Variants in PRPF40B observed in about 807,000 individuals in gnomAD.
The protein encoded by PRPF40B is pre-mRNA-processing factor 40 homolog B.
Under a neutral mutation model 124.5 loss-of-function variants are expected in PRPF40B, and 56 were observed. The observed-to-expected ratio is 0.45, with a 90% confidence interval of 0.36 to 0.56. PRPF40B has a LOEUF of 0.56. Ranked by LOEUF, PRPF40B falls within the 20% of genes least tolerant of loss-of-function variation. The probability of loss-of-function intolerance (pLI) is 0.00; values close to 1 mark genes in which losing one functional copy is unlikely to be tolerated. For missense variants in PRPF40B, 1,053 were observed against 1,169.5 expected, an observed-to-expected ratio of 0.90 and a Z score of 1.45; for synonymous variants, 443 against 426.4, an observed-to-expected ratio of 1.04 and a Z score of -0.48.
Position 49,642,521 on chromosome 12 carries a change from G to A in PRPF40B, c.2023-59G>A, listed in dbSNP as rs535989495. ...CCCAGCCCTGCCCTGTGCTCATGGC[G>A]GTGTCCAGGCCAGGCTGAGTGGGGC... On this transcript the variant is annotated intron_variant, in intron 20 of 25. Transcript: ENST00000548825. The surrounding 1 kb of genome is among the most constrained non-coding windows in gnomAD (Gnocchi z 5.8). The A allele has an allele frequency of 6.0e-5, 96 of 1,592,574 alleles. No individual in the cohort carries two copies. The highest frequency in any genetic ancestry group is 7.6e-5 in the Non-Finnish European group (88 of 1,161,416).
intron 1 of PRPF40B, chr12:49,624,192 G>A (rs58278271): frequency 0.091 from 89,435 of 981,108 alleles, 4,462 homozygotes; most frequent in African/African-American, 0.19. Flanking sequence ...CCTTTCTTTG[G>A]GCCTCAGATT....
chr12:49,643,074 C>A, intron 22 of PRPF40B, 58 bp downstream of exon 22: 1 of 1,594,686 alleles, frequency 6.3e-7, no homozygotes, highest in Non-Finnish European at 8.6e-7. Context: ...GGGAAATAAA[C>A]ACTTTGTTTT....
chr12:49,633,956 G>C lies in PRPF40B; in HGVS notation c.676G>C (p.Val226Leu), dbSNP rs771355440. 3 of 1,614,200 alleles carry C rather than the reference G, an allele frequency of 1.9e-6. No homozygotes were observed. The South Asian group carries it at 3.3e-5, about 18-fold the overall frequency. The change falls in exon 10 of 26, where the codon GTG (valine) becomes CTG (leucine). Residue 226 changes from valine to leucine, a missense_variant. Val to Leu is a conservative substitution (Grantham distance 32). Coordinates refer to ENST00000548825, the MANE Select transcript of PRPF40B (RefSeq NM_001031698.3). ...TCAGCCACAGCCTGACCCCCCACCT[G>C]TGCCTCCTGGCCCCACCCCAGTGCC... Reference protein sequence around the residue: ...PPQPQPDPPPVPPGPTPVPTG... With the variant: ...PPQPQPDPPPLPPGPTPVPTG...
chr12:49,632,033 AC>A, intron 4 of PRPF40B, 108 bp downstream of exon 4: 1 of 1,136,428 alleles, frequency 8.8e-7, no homozygotes, highest in Non-Finnish European at 1.3e-6. Context: ...CATCGCATCC[AC>A]CCAGGTCCCC....
At chr12:49,625,434 GAC>G (rs1298063684) in intron 1 of PRPF40B, among the ~76,000 whole-genome samples, 2 of 152,356 alleles carry the variant, frequency 1.3e-5, no homozygotes, top group East Asian at 3.9e-4. Flanking sequence ...ATGAGTGTTT[GAC>G]ACAGTATCTG....
intron 1 of PRPF40B, among the ~76,000 whole-genome samples, chr12:49,630,078 A>C (rs1328985731): frequency 2.0e-5 from 3 of 152,206 alleles, no homozygotes. Flanking sequence ...GTGTTGAGAG[A>C]GCTTTGGACT....
At chr12:49,636,883 G>C in intron 16 of PRPF40B, 34 bp downstream of exon 16, 2 of 1,612,342 alleles carry the variant, frequency 1.2e-6, no homozygotes, top group Non-Finnish European at 1.7e-6. Flanking sequence ...TCAGAGCTCA[G>C]CTCTGCCCTA....
chr12:49,624,220 A>G (rs1940491211), intron 1 of PRPF40B: 1 of 938,284 alleles, frequency 1.1e-6, no homozygotes, highest in African/African-American at 1.8e-5. Flanking sequence ...AATTTTTTTA[A>G]AAAGGAAATG....
chr12:49,644,352 C>CTCAAGG lies in PRPF40B; in HGVS notation c.*161_*162insCAAGGT, dbSNP rs1592629935. ...ATTGTTGGCACCTCTCAAGGTTGCTCTTGGTGTTCAAGGGTCCCCTACTCC... is the reference window on the plus strand; with the variant it reads ...ATTGTTGGCACCTCTCAAGGTTGCTCTCAAGGTTGGTGTTCAAGGGTCCCCTACTCC... On this transcript the variant is annotated 3_prime_UTR_variant, in exon 26 of 26. Coordinates refer to ENST00000548825, the MANE Select transcript of PRPF40B (RefSeq NM_001031698.3). 1 of 828,830 alleles carries CTCAAGG rather than the reference C, an allele frequency of 1.2e-6. No homozygotes were observed. The highest frequency in any genetic ancestry group is 1.7e-5 in the African/African-American group (1 of 59,604). The allele number at this position is 828,830 out of a possible 1,614,324, so 51.3% of individuals were successfully genotyped here.
At position 49,635,564 on chromosome 12, in the gene PRPF40B, T is replaced by C. The variant is rs1452977120; in HGVS notation, c.1275+91T>C. 1.6e-6 allele frequency: 2 copies of C among 1,260,480 alleles called. No individual in the cohort carries two copies. The highest frequency in any genetic ancestry group is 2.2e-6 in the Non-Finnish European group (2 of 901,260). 78.1% of individuals were successfully genotyped at this position (1,260,480 alleles called of 1,614,324 possible). ...TATGGACCCTCGCCATTTACTTCTCTACTTCCCCAGTGTCCCAGCTTCTGA... is the reference window on the plus strand; with the variant it reads ...TATGGACCCTCGCCATTTACTTCTCCACTTCCCCAGTGTCCCAGCTTCTGA... On this transcript the variant is annotated intron_variant, in intron 14 of 25. Transcript: ENST00000548825. This position sits in a 1 kb window ranked among gnomAD's most constrained non-coding sequence, Gnocchi z 4.1.
intron 4 of PRPF40B, 100 bp downstream of exon 4, chr12:49,632,025 T>C (rs1008343490): frequency 1.7e-5 from 21 of 1,210,916 alleles, no homozygotes; most frequent in Non-Finnish European, 2.6e-5. Flanking sequence ...CCTCTTCTCA[T>C]CGCATCCACC....
Position 49,630,601 on chromosome 12 carries a change from G to T in PRPF40B, c.60G>T (p.Gly20=). 1 of 1,349,812 alleles carries T rather than the reference G, an allele frequency of 7.4e-7. No homozygotes were observed. The highest frequency in any genetic ancestry group is 1.2e-5 in the South Asian group (1 of 84,366). 83.6% of individuals were successfully genotyped at this position (1,349,812 alleles called of 1,614,324 possible). The change falls in exon 2 of 26, where the codon GGG becomes GGT. Residue 20 remains glycine, a synonymous_variant. Coordinates refer to ENST00000548825, the MANE Select transcript of PRPF40B (RefSeq NM_001031698.3). ...CAGCGCCTGCCCCCTTCCCACCGGG[G>T]CCCCCCATGATGCCACCACCCTTCG... ...PPAAPAPFPP[G]PPMMPPPFMP...
At chr12:49,639,030 TGAG>T (rs1362105695) in intron 18 of PRPF40B, 2 of 152,266 alleles carry the variant, frequency 1.3e-5, no homozygotes, top group Non-Finnish European at 2.9e-5. Flanking sequence ...CATACTGTCC[TGAG>T]GTATCCTCTC....
In PRPF40B at chr12:49,644,120, A is replaced by AAGTGAGCTGAGTGAG; in HGVS notation, c.2608_2622dup (p.Ser870_Glu874dup). The AAGTGAGCTGAGTGAG allele has an allele frequency of 1.9e-6, 3 of 1,614,166 alleles. No individual in the cohort carries two copies. The highest frequency in any genetic ancestry group is 2.5e-6 in the Non-Finnish European group (3 of 1,180,034). Reference sequence around the variant, plus strand: ...AACAGACAGGCTGGGACACGTCAGAAAGTGAGCTGAGTGAGGGTGAGCTGG... The same window carrying AAGTGAGCTGAGTGAG: ...AACAGACAGGCTGGGACACGTCAGAAAGTGAGCTGAGTGAGAGTGAGCTGAGTGAGGGTGAGCTGG... On this transcript the variant is annotated inframe_insertion, in exon 26 of 26. Coordinates refer to ENST00000548825, the MANE Select transcript of PRPF40B (RefSeq NM_001031698.3).
chr12:49,631,667 G>C lies in PRPF40B; in HGVS notation c.228+123G>C. 2 of 1,348,558 alleles carry C rather than the reference G, an allele frequency of 1.5e-6. No individual in the cohort carries two copies. The highest frequency in any genetic ancestry group is 2.1e-6 in the Non-Finnish European group (2 of 962,274). 83.5% of individuals were successfully genotyped at this position (1,348,558 alleles called of 1,614,324 possible). A position where few individuals can be genotyped will look rare whatever the true frequency, so the allele number is the denominator to read the frequency against. On this transcript the variant is annotated intron_variant, in intron 3 of 25. Coordinates refer to ENST00000548825, the MANE Select transcript of PRPF40B (RefSeq NM_001031698.3). This position sits in a 1 kb window ranked among gnomAD's most constrained non-coding sequence, Gnocchi z 4.3. Reference sequence around the variant, plus strand: ...GAAGGGAGCTTTGGGCCAAACCCATGTGGATTTGTCTGCTGAATGACTGAG... The same window carrying C: ...GAAGGGAGCTTTGGGCCAAACCCATCTGGATTTGTCTGCTGAATGACTGAG...
intron 1 of PRPF40B, among the ~76,000 whole-genome samples, chr12:49,628,870 A>T (rs1054164916): frequency 6.6e-6 from 1 of 152,192 alleles, no homozygotes; most frequent in Non-Finnish European, 1.5e-5. Flanking sequence ...CCAGCCAGGA[A>T]CAGATATTTT....
In PRPF40B at chr12:49,635,198, G is replaced by C; in HGVS notation, c.1101G>C (p.Glu367Asp). 1 of 1,614,156 alleles carries C rather than the reference G, an allele frequency of 6.2e-7. No homozygotes were observed. Among genetic ancestry groups the C allele is most frequent in the Admixed American group, 1.7e-5 (1 of 60,022 alleles). The part of the protein sequence containing the change: ...EKEEARLRAK[E>D]AKQTLQHFLE... ...AGGAGGCCCGGCTAAGGGCCAAAGAGGCCAAGCAGACCCTGCAGCATTTCC... is the reference window on the plus strand; with the variant it reads ...AGGAGGCCCGGCTAAGGGCCAAAGACGCCAAGCAGACCCTGCAGCATTTCC... Residue 367 changes from glutamate (E) to aspartate (D), a missense_variant, in exon 13 of 26, where the codon GAG (glutamate) becomes GAC (aspartate). By Grantham distance (45) the Glu-to-Asp change is conservative. Coordinates refer to ENST00000548825, the MANE Select transcript of PRPF40B (RefSeq NM_001031698.3). The surrounding 1 kb of genome is among the most constrained non-coding windows in gnomAD (Gnocchi z 4.1).
At chr12:49,641,128 A>G (rs1478954363) in intron 18 of PRPF40B, 2 of 152,246 alleles carry the variant, frequency 1.3e-5, no homozygotes, top group Non-Finnish European at 2.9e-5. Context: ...ATCTTGGGCC[A>G]ACTGAGATCA....
At chr12:49,632,985 C>T (rs765237246) in intron 6 of PRPF40B, 29 bp from the exon 7 acceptor site, 3 of 1,599,346 alleles carry the variant, frequency 1.9e-6, no homozygotes, top group Admixed American at 1.7e-5. Flanking sequence ...GGGCCTTGAC[C>T]ACCATTCTGT....
Sources: gnomAD v4.1 joint callset for allele counts (sites outside exome capture counted in the v4.1 genomes callset) on GRCh38, gnomAD v4.1.1 for gene constraint, Gnocchi (gnomAD v3.1) non-coding constraint, MANE v1.5 for transcripts, NCBI Gene and HGNC (gene_info 2026-07-23, HGNC 2026-07-21) for gene names.